The following ZNRF2 variants were observed in gnomAD, a reference collection of about 807,000 sequenced individuals.
ZNRF2 encodes the protein E3 ubiquitin-protein ligase ZNRF2.
In ZNRF2, 16 loss-of-function variants were observed where a neutral mutation model predicts 20.4. The observed-to-expected ratio is 0.79, with a 90% CI of 0.53 to 1.19. The LOEUF (loss-of-function observed/expected upper bound fraction) is 1.19, where lower values mean the gene tolerates loss of function less well. Among genes scored for constraint, ZNRF2 ranks in the 50% most tolerant of loss-of-function variants. The pLI is 0.00. For missense variants in ZNRF2, 363 were observed against 332.4 expected (o/e 1.09, Z -0.72); for synonymous variants, 178 against 144.9 (o/e 1.23, Z -1.64).
At chr7:30,318,421 T>C (rs1366849511) in intron 1 of ZNRF2, among the ~76,000 whole-genome samples, 1 of 152,184 alleles carries the variant, frequency 6.6e-6, no homozygotes, top group African/African-American at 2.4e-5. Flanking sequence ...ATGACCTGTT[T>C]GCAGTTGTAG....
intron 2 of ZNRF2, among the ~76,000 whole-genome samples, chr7:30,345,757 C>T (rs1799866635): frequency 1.3e-5 from 2 of 152,032 alleles, no homozygotes; most frequent in Non-Finnish European, 2.9e-5. Flanking sequence ...GTTCACTTCC[C>T]CCACCCTCCA....
intron 2 of ZNRF2, among the ~76,000 whole-genome samples, chr7:30,342,326 T>C (rs1348568561): frequency 6.6e-6 from 1 of 152,238 alleles, no homozygotes; most frequent in Non-Finnish European, 1.5e-5. Flanking sequence ...ATAGTGTTGA[T>C]GGTGATTACA....
At chr7:30,365,181 G>A (rs1359486793) in intron 4 of ZNRF2, among the ~76,000 whole-genome samples, 27 of 130,124 alleles carry the variant, frequency 2.1e-4, no homozygotes, top group Non-Finnish European at 4.0e-4. Flanking sequence ...TTGGTGAGGT[G>A]GAATTATATT....
chr7:30,328,255 G>A (rs1188629070), intron 2 of ZNRF2, among the ~76,000 whole-genome samples: 1 of 152,094 alleles, frequency 6.6e-6, no homozygotes, highest in Non-Finnish European at 1.5e-5. Flanking sequence ...TAAAGCCAGA[G>A]AATCTCTAAA....
intron 3 of ZNRF2, among the ~76,000 whole-genome samples, chr7:30,357,576 GA>G (rs1234459926): frequency 1.3e-4 from 19 of 151,732 alleles, no homozygotes; most frequent in Admixed American, 1.2e-3. Flanking sequence ...AAAGAAAATA[GA>G]AAAAAATAGT....
intron 1 of ZNRF2, among the ~76,000 whole-genome samples, chr7:30,314,788 AATATAT>A (rs139581545): frequency 2.0e-5 from 3 of 148,112 alleles, no homozygotes; most frequent in Non-Finnish European, 3.0e-5. Flanking sequence ...AAATATGGGA[AATATAT>A]ATATATATAT....
At chr7:30,290,394 T>G (rs888001095) in intron 1 of ZNRF2, among the ~76,000 whole-genome samples, 10 of 152,206 alleles carry the variant, frequency 6.6e-5, no homozygotes, top group African/African-American at 2.2e-4. Context: ...TGTGTCCTCT[T>G]TAAGACTGCA....
At chr7:30,287,419 G>A (rs183660234) in intron 1 of ZNRF2, among the ~76,000 whole-genome samples, 211 of 152,102 alleles carry the variant, frequency 1.4e-3, no homozygotes, top group African/African-American at 4.8e-3. Context: ...GCCTTGTCAA[G>A]TTAATAGTTA....
intron 1 of ZNRF2, among the ~76,000 whole-genome samples, chr7:30,292,409 G>A (rs915751460): frequency 3.3e-5 from 5 of 151,960 alleles, no homozygotes; most frequent in East Asian, 3.9e-4. Flanking sequence ...ATGAGGACGC[G>A]CTTTTCCGGA....
intron 2 of ZNRF2, among the ~76,000 whole-genome samples, chr7:30,346,751 A>G (rs1263521796): frequency 2.0e-5 from 3 of 151,952 alleles, no homozygotes; most frequent in Non-Finnish European, 2.9e-5. Flanking sequence ...GTCTAAAATC[A>G]AGTCTTATTT....
At chr7:30,312,605 G>A (rs956545667) in intron 1 of ZNRF2, among the ~76,000 whole-genome samples, 3 of 152,166 alleles carry the variant, frequency 2.0e-5, no homozygotes, top group Non-Finnish European at 2.9e-5. Context: ...GTCACTCTGC[G>A]TTGACATAGT....
intron 1 of ZNRF2, among the ~76,000 whole-genome samples, chr7:30,316,872 T>C (rs1160453794): frequency 2.6e-5 from 4 of 152,224 alleles, no homozygotes; most frequent in African/African-American, 9.6e-5. Context: ...TTTGCCAGAC[T>C]CAGAACAGAT....
At chr7:30,299,497 G>T (rs760778933) in intron 1 of ZNRF2, among the ~76,000 whole-genome samples, 1 of 150,744 alleles carries the variant, frequency 6.6e-6, no homozygotes, top group Middle Eastern at 3.6e-3. Context: ...TGTTCAATTA[G>T]TCCTCTTTAA....
chr7:30,351,110 A>G (rs1799956226), intron 2 of ZNRF2, among the ~76,000 whole-genome samples: 1 of 148,776 alleles, frequency 6.7e-6, no homozygotes, highest in South Asian at 2.1e-4. Context: ...TAAGTATTTT[A>G]ATTTTGCATA....
intron 2 of ZNRF2, among the ~76,000 whole-genome samples, chr7:30,353,064 C>T (rs1799983053): frequency 6.6e-6 from 1 of 151,942 alleles, no homozygotes; most frequent in South Asian, 2.1e-4. Context: ...AGTGAATTTT[C>T]AAAACTGAAA....
chr7:30,287,943 C>T (rs1405663005), intron 1 of ZNRF2, among the ~76,000 whole-genome samples: 1 of 152,160 alleles, frequency 6.6e-6, no homozygotes, highest in Non-Finnish European at 1.5e-5. Context: ...AGAGAAATTA[C>T]CTGTTCTTAT....
chr7:30,339,111 A>T (rs1210471751), intron 2 of ZNRF2, among the ~76,000 whole-genome samples: 5 of 151,742 alleles, frequency 3.3e-5, no homozygotes, highest in Non-Finnish European at 5.9e-5. Context: ...CCTCTTTTTG[A>T]TGGGGTTGCT....
At chr7:30,308,374 T>TA (rs1799241250) in intron 1 of ZNRF2, among the ~76,000 whole-genome samples, 1 of 152,218 alleles carries the variant, frequency 6.6e-6, no homozygotes, top group South Asian at 2.1e-4. Context: ...TTTTTGTTAA[T>TA]ATGTATTCTG....
intron 1 of ZNRF2, among the ~76,000 whole-genome samples, chr7:30,307,329 T>G (rs1269356527): frequency 1.0e-4 from 11 of 107,016 alleles, no homozygotes; most frequent in Non-Finnish European, 1.6e-4. Flanking sequence ...TTTTTTTGTT[T>G]TTTTTTTTTT....
Sources: allele counts gnomAD v4.1 joint callset (sites outside exome capture counted in the v4.1 genomes callset), GRCh38; gene constraint gnomAD v4.1.1; transcripts MANE v1.5; gene names NCBI Gene and HGNC (gene_info 2026-07-23, HGNC 2026-07-21).